Variants in GTF3C1 observed in about 807,000 individuals in gnomAD.
GTF3C1 encodes general transcription factor 3C polypeptide 1.
A neutral mutation model predicts 226.7 loss-of-function variants in GTF3C1; 57 were observed. The observed-to-expected ratio is 0.25, with a 90% CI of 0.20 to 0.31. The LOEUF is 0.31. Among genes scored for constraint, GTF3C1 ranks in the 10% least tolerant of loss-of-function variants. The pLI is 1.00. For synonymous variants in GTF3C1, 1,090 were observed against 1,084.8 expected (o/e 1.00, Z -0.09); for missense variants, 2,217 against 2,776.1 (o/e 0.80, Z 4.53).
intron 13 of GTF3C1, among the ~76,000 whole-genome samples, chr16:27,498,147 A>G (rs1051681129): frequency 2.0e-5 from 3 of 152,238 alleles, no homozygotes; most frequent in Non-Finnish European, 4.4e-5. Flanking sequence ...CAACTGATTC[A>G]AAGTATGTGT....
intron 24 of GTF3C1, 38 bp from the exon 25 acceptor site, chr16:27,484,391 C>G (rs760237589): frequency 6.0e-6 from 9 of 1,500,516 alleles, no homozygotes; most frequent in Non-Finnish European, 8.3e-6. Context: ...AAGTCAGTAT[C>G]CTCAGAGACG....
intron 4 of GTF3C1, among the ~76,000 whole-genome samples, chr16:27,535,112 C>T (rs1287645416): frequency 1.3e-5 from 2 of 152,136 alleles, no homozygotes; most frequent in East Asian, 1.9e-4. Context: ...AGACCATACA[C>T]GGTGCCATTT....
At chr16:27,506,253 GC>G in intron 9 of GTF3C1, 137 bp from the exon 10 acceptor site, 1 of 601,470 alleles carries the variant, frequency 1.7e-6, no homozygotes, top group South Asian at 2.0e-5. Flanking sequence ...TGGACCAGCA[GC>G]AGCTTGGGCC....
In GTF3C1 at chr16:27,461,268, G is replaced by T; in HGVS notation, c.*82C>A. On this transcript the variant is annotated 3_prime_UTR_variant, in exon 37 of 37. Coordinates refer to ENST00000356183, the MANE Select transcript of GTF3C1 (RefSeq NM_001520.4). This position sits in a 1 kb window ranked among gnomAD's most constrained non-coding sequence, Gnocchi z 5.3. ...AGGAGGCTCGGCAGACCCAAGGCCA[G>T]GGCACAGTGGGGTCTGCCGAGCACC... 1 of 871,002 alleles carries T rather than the reference G, an allele frequency of 1.1e-6. No individual in the cohort carries two copies. Among genetic ancestry groups the T allele is most frequent in the South Asian group, 1.6e-5 (1 of 61,072 alleles). The allele number at this position is 871,002 out of a possible 1,614,324, so 54.0% of individuals were successfully genotyped here. A position where few individuals can be genotyped will look rare whatever the true frequency, so the allele number is the denominator to read the frequency against.
intron 32 of GTF3C1, 76 bp from the exon 33 acceptor site, chr16:27,465,616 C>T (rs2087775984): frequency 6.0e-6 from 7 of 1,166,462 alleles, no homozygotes; most frequent in Non-Finnish European, 7.3e-6. Context: ...AGGCCACACC[C>T]AGGAAAGGCA....
chr16:27,464,266 G>A, intron 34 of GTF3C1, 54 bp downstream of exon 34: 1 of 1,220,614 alleles, frequency 8.2e-7, no homozygotes, highest in Non-Finnish European at 1.1e-6. Context: ...CAGGGCGGAG[G>A]GGAGGGAAAG....
intron 32 of GTF3C1, among the ~76,000 whole-genome samples, chr16:27,467,528 C>A (rs1342100018): frequency 2.0e-5 from 3 of 152,188 alleles, no homozygotes; most frequent in Non-Finnish European, 4.4e-5. Context: ...CCATTCTGTA[C>A]CCCATGGATC....
chr16:27,548,840 G>T (rs1406607987), intron 1 of GTF3C1, among the ~76,000 whole-genome samples: 1 of 152,144 alleles, frequency 6.6e-6, no homozygotes, highest in Non-Finnish European at 1.5e-5. Flanking sequence ...AGCTCCTAAA[G>T]CTTCTAGAAT....
intron 2 of GTF3C1, among the ~76,000 whole-genome samples, chr16:27,538,912 C>T (rs1478679635): frequency 4.0e-5 from 6 of 151,376 alleles, no homozygotes; most frequent in Non-Finnish European, 7.4e-5. Context: ...CCACCCCCAC[C>T]ATTTCCATAT....
At chr16:27,505,430 C>G (rs1021165158) in intron 10 of GTF3C1, among the ~76,000 whole-genome samples, 4 of 152,196 alleles carry the variant, frequency 2.6e-5, no homozygotes, top group African/African-American at 9.7e-5. Flanking sequence ...TAACAGCATT[C>G]TAACCTCTCC....
chr16:27,514,219 C>G (rs1213019842), intron 6 of GTF3C1, among the ~76,000 whole-genome samples: 2 of 152,214 alleles, frequency 1.3e-5, no homozygotes, highest in African/African-American at 4.8e-5. Context: ...AAGGCCCCGG[C>G]GCAAGCCTGA....
chr16:27,534,704 G>C (rs373260645), intron 4 of GTF3C1, among the ~76,000 whole-genome samples: 2 of 152,220 alleles, frequency 1.3e-5, no homozygotes, highest in Non-Finnish European at 2.9e-5. Flanking sequence ...CACAAGTGAA[G>C]AGTTTGGTGA....
At chr16:27,478,316 T>A (rs540889907) in intron 28 of GTF3C1, among the ~76,000 whole-genome samples, 153 bp downstream of exon 28, 74 of 152,132 alleles carry the variant, frequency 4.9e-4, no homozygotes, top group Non-Finnish European at 8.5e-4. Context: ...ATAGACAACA[T>A]ACAGAATGGG....
At chr16:27,549,535 G>A (rs964731079) in intron 1 of GTF3C1, 135 bp downstream of exon 1, 5 of 623,468 alleles carry the variant, frequency 8.0e-6, no homozygotes, top group South Asian at 7.8e-5. Context: ...TAGCCTTACC[G>A]CCGTGCCCCA....
intron 6 of GTF3C1, among the ~76,000 whole-genome samples, chr16:27,515,074 G>A (rs542792793): frequency 1.3e-5 from 2 of 152,150 alleles, no homozygotes; most frequent in South Asian, 4.1e-4. Flanking sequence ...AATAAACACG[G>A]GTGGAAGGCA....
intron 5 of GTF3C1, 91 bp from the exon 6 acceptor site, chr16:27,528,812 C>A: frequency 1.6e-6 from 2 of 1,231,308 alleles, no homozygotes; most frequent in South Asian, 1.2e-5. Context: ...AGTTCAGGAC[C>A]TGAATTAATT....
chr16:27,522,459 A>T (rs1292093405), intron 6 of GTF3C1, among the ~76,000 whole-genome samples: 2 of 152,254 alleles, frequency 1.3e-5, no homozygotes, highest in Non-Finnish European at 2.9e-5. Context: ...CTATTCGGTT[A>T]TCTGTCTACC....
At chr16:27,533,206 C>A (rs2088947530) in intron 5 of GTF3C1, 85 bp downstream of exon 5, 9 of 684,826 alleles carry the variant, frequency 1.3e-5, no homozygotes, top group Non-Finnish European at 2.7e-6. Flanking sequence ...CTTTGGGTTG[C>A]AATTCATTCC....
At chr16:27,467,792 C>T (rs569725067) in intron 32 of GTF3C1, among the ~76,000 whole-genome samples, 3 of 152,218 alleles carry the variant, frequency 2.0e-5, no homozygotes, top group Non-Finnish European at 2.9e-5. Context: ...ATCACTTGAA[C>T]CTGGGAGGTG....
Sources: allele counts gnomAD v4.1 joint callset (sites outside exome capture counted in the v4.1 genomes callset), GRCh38; gene constraint gnomAD v4.1.1; non-coding constraint Gnocchi (gnomAD v3.1); transcripts MANE v1.5; gene names NCBI Gene and HGNC (gene_info 2026-07-23, HGNC 2026-07-21).